The following PTCRA variants were observed in gnomAD, a reference collection of about 807,000 sequenced individuals.
PTCRA encodes the protein pre T-cell antigen receptor alpha.
Under a neutral mutation model 13.4 loss-of-function variants are expected in PTCRA, and 9 were observed. The observed-to-expected ratio is 0.67, with a 90% CI of 0.41 to 1.18. The LOEUF (loss-of-function observed/expected upper bound fraction) is 1.18. Ranked by LOEUF, PTCRA falls within the 50% of genes most tolerant of loss-of-function variation. PTCRA has a pLI of 0.01. For missense variants in PTCRA, 353 were observed against 359.8 expected, an observed-to-expected ratio of 0.98 and a Z score of 0.15; for synonymous variants, 153 against 161.9, an observed-to-expected ratio of 0.94 and a Z score of 0.42.
intron 1 of PTCRA, chr6:42,922,182 C>T (rs534295488): frequency 2.7e-4 from 188 of 690,194 alleles, no homozygotes; most frequent in Non-Finnish European, 4.6e-4. Flanking sequence ...CAAAAAGTTA[C>T]AGATATATTT....
Position 42,925,574 on chromosome 6 carries a change from C to T in PTCRA, c.738C>T (p.Cys246=). 6.2e-7 allele frequency: 1 copy of T among 1,601,818 alleles called. No individual in the cohort carries two copies. Among genetic ancestry groups the T allele is most frequent in the Non-Finnish European group, 8.5e-7 (1 of 1,173,530 alleles). ...EGSYLSSYPT[C]PAQAWCSRSA... The stretch of plus-strand genomic sequence containing the variant: ...CTTACCTCAGCAGTTACCCCACTTG[C>T]CCAGCACAGGCCTGGTGCTCAAGAT... Residue 246 remains cysteine (C), a synonymous_variant, in exon 4 of 4, where the codon TGC becomes TGT. Transcript: ENST00000304672. This position sits in a 1 kb window ranked among gnomAD's most constrained non-coding sequence, Gnocchi z 4.4.
At chr6:42,917,846 G>A (rs1035229728) in intron 1 of PTCRA, among the ~76,000 whole-genome samples, 5 of 151,508 alleles carry the variant, frequency 3.3e-5, no homozygotes, top group South Asian at 2.1e-4. Context: ...CACTGAGCCC[G>A]GCCTAACACC....
intron 1 of PTCRA, among the ~76,000 whole-genome samples, chr6:42,919,971 G>A (rs555745818): frequency 1.3e-5 from 2 of 150,624 alleles, no homozygotes; most frequent in African/African-American, 4.9e-5. Flanking sequence ...CCAGTGAACT[G>A]TGATCACACC....
Position 42,925,686 on chromosome 6 carries a change from C to T in PTCRA, c.*4C>T. 6.6e-7 allele frequency: 1 copy of T among 1,510,148 alleles called. No individual in the cohort carries two copies. Among genetic ancestry groups the T allele is most frequent in the Non-Finnish European group, 8.9e-7 (1 of 1,127,034 alleles). 93.5% of individuals were successfully genotyped at this position (1,510,148 alleles called of 1,614,324 possible). A position where few individuals can be genotyped will look rare whatever the true frequency, so the allele number is the denominator to read the frequency against. Reference sequence around the variant, plus strand: ...TCTGCAGGCTGGAGCTGCCTGAGGGCAGGGCTCTACCTCCCCTGCGTCACA... The same window carrying T: ...TCTGCAGGCTGGAGCTGCCTGAGGGTAGGGCTCTACCTCCCCTGCGTCACA... On this transcript the variant is annotated 3_prime_UTR_variant, in exon 4 of 4. Coordinates refer to ENST00000304672, the MANE Select transcript of PTCRA (RefSeq NM_138296.3). This position sits in a 1 kb window ranked among gnomAD's most constrained non-coding sequence, Gnocchi z 4.4.
rs867512542 is a variant in PTCRA, at chr6:42,917,468, C to T, written c.58+1341C>T. Among the ~76,000 whole-genome samples, 178 of 147,036 alleles carry T rather than the reference C, an allele frequency of 1.2e-3. 1 individual carries two copies. The highest frequency in any genetic ancestry group is 4.3e-3 in the African/African-American group (170 of 39,960). On this transcript the variant is annotated intron_variant, in intron 1 of 3. Transcript: ENST00000304672. ...TGAACTCCTGACCTCATGATCCGCC[C>T]GCCTCAGCCTCCCAAAGTGCTGGGA...
At chr6:42,918,308 C>A (rs1269967629) in intron 1 of PTCRA, among the ~76,000 whole-genome samples, 1 of 150,332 alleles carries the variant, frequency 6.7e-6, no homozygotes, top group Non-Finnish European at 1.5e-5. Flanking sequence ...TAGCACTTTG[C>A]ACTTTGGGAG....
chr6:42,921,255 C>T (rs545085173), intron 1 of PTCRA, among the ~76,000 whole-genome samples: 77 of 148,932 alleles, frequency 5.2e-4, no homozygotes, highest in African/African-American at 1.8e-3. Flanking sequence ...GTATGCACCA[C>T]CACGCCCGAC....
intron 2 of PTCRA, among the ~76,000 whole-genome samples, 194 bp downstream of exon 2, chr6:42,923,541 T>C (rs528219928): frequency 2.6e-4 from 39 of 152,358 alleles, no homozygotes; most frequent in African/African-American, 8.9e-4. Flanking sequence ...GCCACTGCAA[T>C]ATCTGTTTGA....
chr6:42,925,186 G>T lies in PTCRA; in HGVS notation c.425-75G>T. 1 of 1,505,836 alleles carries T rather than the reference G, an allele frequency of 6.6e-7. No individual in the cohort carries two copies. Among genetic ancestry groups the T allele is most frequent in the Non-Finnish European group, 8.8e-7 (1 of 1,130,474 alleles). 93.3% of individuals were successfully genotyped at this position (1,505,836 alleles called of 1,614,324 possible). On this transcript the variant is annotated intron_variant, in intron 3 of 3. Transcript: ENST00000304672. This position sits in a 1 kb window ranked among gnomAD's most constrained non-coding sequence, Gnocchi z 4.4. ...GGGGACGGGCAAGGGCAGAGGACAA[G>T]GCCCTCTCCGCCGTTCTCTCCTGGG...
At chr6:42,921,340 G>A (rs1314055647) in intron 1 of PTCRA, among the ~76,000 whole-genome samples, 1 of 150,156 alleles carries the variant, frequency 6.7e-6, no homozygotes, top group Non-Finnish European at 1.5e-5. Flanking sequence ...GACCTCAGGT[G>A]ATCGCCCTGC....
At chr6:42,917,167 G>A (rs1272045889) in intron 1 of PTCRA, among the ~76,000 whole-genome samples, 1 of 149,640 alleles carries the variant, frequency 6.7e-6, no homozygotes, top group Non-Finnish European at 1.5e-5. Flanking sequence ...CAATTTTGCT[G>A]GGCTGGTATT....
chr6:42,924,392 A>G, intron 3 of PTCRA, 119 bp downstream of exon 3: 1 of 813,274 alleles, frequency 1.2e-6, no homozygotes, highest in Non-Finnish European at 2.1e-6. Context: ...TAGGTGTCCC[A>G]TGTAGAGGCT....
chr6:42,923,436 C>G, intron 2 of PTCRA, 89 bp downstream of exon 2: 1 of 1,304,632 alleles, frequency 7.7e-7, no homozygotes. Context: ...CTCCAGGCCA[C>G]AAAGGCATGA....
chr6:42,923,992 C>T (rs964199653), intron 2 of PTCRA, among the ~76,000 whole-genome samples: 1 of 152,186 alleles, frequency 6.6e-6, no homozygotes, highest in African/African-American at 2.4e-5. Context: ...CTGAGAGTTC[C>T]GGGCTCCCCA....
chr6:42,920,150 C>G (rs888398334), intron 1 of PTCRA, among the ~76,000 whole-genome samples: 1 of 151,712 alleles, frequency 6.6e-6, no homozygotes, highest in African/African-American at 2.4e-5. Context: ...GAAACCCCTT[C>G]TCTACTAAAA....
In PTCRA at chr6:42,925,564, A is replaced by G; in HGVS notation, c.728A>G (p.Tyr243Cys). 4 of 1,599,536 alleles carry G rather than the reference A, an allele frequency of 2.5e-6. No individual in the cohort carries two copies. Among genetic ancestry groups the G allele is most frequent in the Non-Finnish European group, 3.4e-6 (4 of 1,172,386 alleles). The change falls in exon 4 of 4, where the codon TAC becomes TGC. Residue 243 changes from tyrosine (Y) to cysteine (C), a missense_variant. Tyr to Cys is a radical substitution (Grantham distance 194). Coordinates refer to ENST00000304672, the MANE Select transcript of PTCRA (RefSeq NM_138296.3). This position sits in a 1 kb window ranked among gnomAD's most constrained non-coding sequence, Gnocchi z 4.4. ...VWGEGSYLSSYPTCPAQAWCS... is the reference protein window; with the variant it reads ...VWGEGSYLSSCPTCPAQAWCS... ...GGGGAAGGGTCTTACCTCAGCAGTT[A>G]CCCCACTTGCCCAGCACAGGCCTGG...
In PTCRA at chr6:42,916,060, C is replaced by G; in HGVS notation, c.-10C>G. The G allele has an allele frequency of 6.2e-7, 1 of 1,613,688 alleles. No homozygotes were observed. On this transcript the variant is annotated 5_prime_UTR_variant, in exon 1 of 4. Coordinates refer to ENST00000304672, the MANE Select transcript of PTCRA (RefSeq NM_138296.3). Reference sequence around the variant, plus strand: ...TCTGCAGCTGGGTCCTGCCTCCTTCCGAGTGGGCCATGGCCGGTACATGGC... The same window carrying G: ...TCTGCAGCTGGGTCCTGCCTCCTTCGGAGTGGGCCATGGCCGGTACATGGC...
chr6:42,925,278 C>A lies in PTCRA; in HGVS notation c.442C>A (p.Leu148Met). ...EPLRGTPGGA[L>M]WLGVLRLLLF... ...CCTCGCAGGGACACCGGGTGGGGCG[C>A]TGTGGCTGGGGGTCCTGCGGCTGCT... The change falls in exon 4 of 4, where the codon CTG becomes ATG. Residue 148 changes from leucine to methionine, a missense_variant. By Grantham distance (15) the Leu-to-Met change is conservative. Transcript: ENST00000304672. This position sits in a 1 kb window ranked among gnomAD's most constrained non-coding sequence, Gnocchi z 4.4. The A allele has an allele frequency of 6.3e-7, 1 of 1,590,702 alleles. No individual in the cohort carries two copies. Among genetic ancestry groups the A allele is most frequent in the Non-Finnish European group, 8.5e-7 (1 of 1,175,606 alleles).
chr6:42,920,064 T>G (rs1283712014), intron 1 of PTCRA, among the ~76,000 whole-genome samples: 1 of 151,746 alleles, frequency 6.6e-6, no homozygotes, highest in African/African-American at 2.4e-5. Context: ...CTCACGCCTG[T>G]AATCCCAGCA....
Sources: allele counts gnomAD v4.1 joint callset (sites outside exome capture counted in the v4.1 genomes callset), GRCh38; gene constraint gnomAD v4.1.1; non-coding constraint Gnocchi (gnomAD v3.1); transcripts MANE v1.5; gene names NCBI Gene and HGNC (gene_info 2026-07-23, HGNC 2026-07-21).